POLK: variants seen among roughly 807,000 people sequenced by gnomAD.
POLK encodes the protein polymerase (DNA directed) kappa.
POLK carries 76 observed loss-of-function variants against 94.0 expected under a neutral mutation model. The observed-to-expected ratio is 0.81, with a 90% CI of 0.67 to 0.98. The LOEUF (loss-of-function observed/expected upper bound fraction) is 0.98, where lower values mean the gene tolerates loss of function less well. Ranked by LOEUF, POLK falls within the 50% of genes least tolerant of loss-of-function variation. POLK has a pLI of 0.00. For missense variants in POLK, 954 were observed against 1,010.1 expected (o/e 0.94, Z 0.75); for synonymous variants, 349 against 325.4 (o/e 1.07, Z -0.78).
intron 4 of POLK, among the ~76,000 whole-genome samples, chr5:75,573,295 T>G (rs1399181129): frequency 2.0e-5 from 3 of 151,796 alleles, no homozygotes; most frequent in Non-Finnish European, 4.4e-5. Flanking sequence ...TTCTCACTCA[T>G]AGATGAGAAT....
chr5:75,605,928 G>A (rs1773413776), downstream of POLK, among the ~76,000 whole-genome samples: 1 of 148,474 alleles, frequency 6.7e-6, no homozygotes, highest in African/African-American at 2.5e-5. Flanking sequence ...AAAGTATAGA[G>A]AAAGAAATAA....
intron 1 of POLK, among the ~76,000 whole-genome samples, chr5:75,513,381 C>T (rs1768164922): frequency 6.6e-6 from 1 of 152,060 alleles, no homozygotes; most frequent in African/African-American, 2.4e-5. Flanking sequence ...TTTAAGTCTC[C>T]AAAGACAGCT....
intron 1 of POLK, among the ~76,000 whole-genome samples, chr5:75,544,463 G>GA (rs2112623875): frequency 6.6e-6 from 1 of 152,224 alleles, no homozygotes; most frequent in East Asian, 1.9e-4. Flanking sequence ...CTAACATGAC[G>GA]AAACCCCATC....
chr5:75,542,454 G>A (rs1427222869), intron 1 of POLK, among the ~76,000 whole-genome samples: 2 of 151,318 alleles, frequency 1.3e-5, no homozygotes, highest in African/African-American at 4.9e-5. Context: ...ATATAGCTTT[G>A]TTTACCTCTT....
chr5:75,531,020 G>C (rs974976781), intron 1 of POLK, among the ~76,000 whole-genome samples: 2 of 151,604 alleles, frequency 1.3e-5, no homozygotes, highest in African/African-American at 2.4e-5. Context: ...TGTTAGCCAG[G>C]ATGGTCTCGA....
chr5:75,558,486 G>C (rs1770762116), intron 3 of POLK, among the ~76,000 whole-genome samples: 1 of 152,028 alleles, frequency 6.6e-6, no homozygotes, highest in Non-Finnish European at 1.5e-5. Flanking sequence ...TTTCTTCACT[G>C]AGTTGAAATG....
intron 3 of POLK, among the ~76,000 whole-genome samples, chr5:75,556,487 C>A (rs1421969385): frequency 6.6e-6 from 1 of 151,682 alleles, no homozygotes; most frequent in Non-Finnish European, 1.5e-5. Flanking sequence ...TTGACAGTAT[C>A]TTTCACAGAG....
intron 1 of POLK, among the ~76,000 whole-genome samples, chr5:75,524,704 C>T (rs1241599103): frequency 6.6e-6 from 1 of 152,084 alleles, no homozygotes; most frequent in African/African-American, 2.4e-5. Context: ...CAAAGCAACC[C>T]TTACAGAGTG....
At chr5:75,607,995 C>T in the POLK span, among the ~76,000 whole-genome samples, 5 of 152,144 alleles carry the variant, frequency 3.3e-5, no homozygotes, top group African/African-American at 1.2e-4. Flanking sequence ...AATCCTTGAA[C>T]AGGACCTGGT....
At chr5:75,528,177 G>T (rs977828320) in intron 1 of POLK, among the ~76,000 whole-genome samples, 2 of 151,956 alleles carry the variant, frequency 1.3e-5, no homozygotes, top group Admixed American at 6.6e-5. Context: ...AAAATATATA[G>T]ATGATACATT....
At chr5:75,547,120 A>G in exon 2 of POLK, 2 of 1,546,424 alleles carry the variant, frequency 1.3e-6, no homozygotes, top group Non-Finnish European at 1.8e-6. Context: ...GGATTAGATA[A>G]AGAGAAAATT....
chr5:75,520,479 C>G (rs1042236263), intron 1 of POLK, among the ~76,000 whole-genome samples: 2 of 152,138 alleles, frequency 1.3e-5, no homozygotes, highest in African/African-American at 2.4e-5. Context: ...ACTGTAGTCT[C>G]GAACTCCTGG....
At chr5:75,600,906 A>C (rs1299173580) in exon 15 of POLK, 1 of 152,180 alleles carries the variant, frequency 6.6e-6, no homozygotes, top group Admixed American at 6.5e-5. Flanking sequence ...TACAACTGTA[A>C]AGAAAAGCAA....
At chr5:75,550,104 G>A (rs369454880) in intron 2 of POLK, among the ~76,000 whole-genome samples, 1 of 152,100 alleles carries the variant, frequency 6.6e-6, no homozygotes, top group East Asian at 1.9e-4. Context: ...AAATAGAGAA[G>A]GATGGAACAC....
intron 1 of POLK, among the ~76,000 whole-genome samples, chr5:75,531,367 TAGTATATAGCTACC>T (rs1451284815): frequency 6.6e-6 from 1 of 151,302 alleles, no homozygotes; most frequent in African/African-American, 2.4e-5. Flanking sequence ...TATAGCTATA[TAGTATATAGCTACC>T]AGTATATAGC....
chr5:75,592,666 G>C (rs2112874757), intron 11 of POLK, among the ~76,000 whole-genome samples: 1 of 151,894 alleles, frequency 6.6e-6, no homozygotes, highest in East Asian at 1.9e-4. Context: ...CTGCACTCCA[G>C]CCTGGGCATC....
Position 75,514,232 on chromosome 5 carries a change from G to C in POLK, c.-14+2318G>C, listed in dbSNP as rs146152067. On this transcript the variant is annotated intron_variant, in intron 1 of 14. Transcript: ENST00000241436. Reference sequence around the variant, plus strand: ...ATTCATTGTTTTCTAGCATTTTTCTGTCTAGGTATTCTGACAATAATTATG... The same window carrying C: ...ATTCATTGTTTTCTAGCATTTTTCTCTCTAGGTATTCTGACAATAATTATG... 1.3e-3 allele frequency among the ~76,000 whole-genome samples: 197 copies of C among 152,190 alleles called. 2 individuals are homozygous for C. Among genetic ancestry groups the C allele is most frequent in the Middle Eastern group, 3.4e-3 (1 of 294 alleles).
chr5:75,583,613 TATAA>T (rs1772315171), intron 8 of POLK, among the ~76,000 whole-genome samples, 196 bp downstream of exon 8: 1 of 152,202 alleles, frequency 6.6e-6, no homozygotes, highest in African/African-American at 2.4e-5. Flanking sequence ...GCTTATTTGC[TATAA>T]ACTTTTAAGA....
At chr5:75,557,240 G>A (rs1561369038) in intron 3 of POLK, among the ~76,000 whole-genome samples, 1 of 152,100 alleles carries the variant, frequency 6.6e-6, no homozygotes, top group African/African-American at 2.4e-5. Context: ...TAACTTTATA[G>A]TAAGTCTTGA....
Sources: allele counts gnomAD v4.1 joint callset (sites outside exome capture counted in the v4.1 genomes callset), GRCh38; gene constraint gnomAD v4.1.1; transcripts MANE v1.5; gene names NCBI Gene and HGNC (gene_info 2026-07-23, HGNC 2026-07-21).